POLQ: variants seen among roughly 807,000 people sequenced by gnomAD.
POLQ encodes the protein epididymis secretory sperm binding protein.
Under a neutral mutation model 259.2 loss-of-function variants are expected in POLQ, and 233 were observed. The observed-to-expected ratio is 0.90, with a 90% confidence interval of 0.81 to 1.00. The LOEUF is 1.00. POLQ is among the 50% of genes least tolerant of loss of function. POLQ has a pLI of 0.00. For missense variants in POLQ, 2,871 were observed against 3,051.6 expected, an observed-to-expected ratio of 0.94 and a Z score of 1.39; for synonymous variants, 1,025 against 1,048.8, an observed-to-expected ratio of 0.98 and a Z score of 0.44.
At chr3:121,456,090 A>C (rs1240331737) in intron 25 of POLQ, among the ~76,000 whole-genome samples, 1 of 152,210 alleles carries the variant, frequency 6.6e-6, no homozygotes, top group East Asian at 1.9e-4. Context: ...ACACAAATCA[A>C]TAAATGTAAT....
At chr3:121,468,091 A>T (rs187316216) in intron 23 of POLQ, among the ~76,000 whole-genome samples, 1 of 152,336 alleles carries the variant, frequency 6.6e-6, no homozygotes, top group Non-Finnish European at 1.5e-5. Flanking sequence ...TTAAAGCTTA[A>T]CAAAGATACT....
In POLQ at chr3:121,465,283, G is replaced by A. The variant is rs2047826220; in HGVS notation, c.6967+2236C>T. ...ATTTTTTGACTTTCTGTAAAGATGG[G>A]GTCTCCCTTTGTTGCCCAGGCTGGT... On this transcript the variant is annotated intron_variant, in intron 24 of 29. Coordinates refer to ENST00000264233, the MANE Select transcript of POLQ (RefSeq NM_199420.4). 2.6e-5 allele frequency among the ~76,000 whole-genome samples: 4 copies of A among 151,588 alleles called. No homozygotes were observed. The South Asian group carries it at 8.3e-4, about 32-fold the overall frequency.
chr3:121,533,514 TG>T (rs35426656), intron 5 of POLQ, among the ~76,000 whole-genome samples: 2 of 152,104 alleles, frequency 1.3e-5, no homozygotes, highest in Non-Finnish European at 2.9e-5. Context: ...AGACAGTACG[TG>T]GTAGTATTTC....
intron 28 of POLQ, among the ~76,000 whole-genome samples, chr3:121,434,510 T>C (rs373433395): frequency 1.3e-5 from 2 of 152,252 alleles, no homozygotes; most frequent in East Asian, 1.9e-4. Context: ...CAAATGAGTT[T>C]AATTATATAT....
chr3:121,499,033 A>G (rs1341216888), intron 12 of POLQ, among the ~76,000 whole-genome samples: 1 of 152,186 alleles, frequency 6.6e-6, no homozygotes, highest in East Asian at 1.9e-4. Flanking sequence ...GTAAGCTATG[A>G]CTGTGCCACA....
At chr3:121,453,320 A>G (rs971258747) in intron 25 of POLQ, among the ~76,000 whole-genome samples, 1 of 152,208 alleles carries the variant, frequency 6.6e-6, no homozygotes, top group African/African-American at 2.4e-5. Flanking sequence ...GGAAACTCTA[A>G]AAAGCAGAGC....
At chr3:121,512,734 T>G (rs2048264314) in intron 9 of POLQ, among the ~76,000 whole-genome samples, 1 of 152,196 alleles carries the variant, frequency 6.6e-6, no homozygotes, top group Admixed American at 6.5e-5. Context: ...CCTAAGAAAG[T>G]AGAGGAAAAG....
intron 14 of POLQ, chr3:121,494,930 G>A (rs1296591723): frequency 1.8e-5 from 15 of 822,360 alleles, no homozygotes; most frequent in Non-Finnish European, 2.6e-5. Context: ...TGAGTTTTCT[G>A]TATATAAAAA....
chr3:121,507,140 G>A (rs1237128754), intron 12 of POLQ, among the ~76,000 whole-genome samples: 2 of 152,168 alleles, frequency 1.3e-5, no homozygotes, highest in Non-Finnish European at 2.9e-5. Flanking sequence ...AGGCATGGAA[G>A]GGATGGATAT....
chr3:121,509,728 A>G (rs760949607), intron 11 of POLQ, 25 bp from the exon 12 acceptor site: 21 of 1,590,904 alleles, frequency 1.3e-5, no homozygotes, highest in Admixed American at 1.8e-5. Context: ...GGGTGAGGAA[A>G]CAGAGGAACA....
chr3:121,544,159 C>A (rs1270003120), intron 2 of POLQ, among the ~76,000 whole-genome samples: 1 of 152,022 alleles, frequency 6.6e-6, no homozygotes, highest in Non-Finnish European at 1.5e-5. Context: ...CAAGACCAGT[C>A]TGGCCAACAC....
At chr3:121,493,869 A>T in intron 14 of POLQ, 148 bp from the exon 15 acceptor site, 1 of 677,778 alleles carries the variant, frequency 1.5e-6, no homozygotes, top group Non-Finnish European at 2.5e-6. Flanking sequence ...ACAAGGGAGC[A>T]GATATATATT....
Position 121,489,139 on chromosome 3 carries a change from T to C in POLQ, c.3792A>G (p.Ile1264Met), listed in dbSNP as rs1261375264. 3 of 1,613,868 alleles carry C rather than the reference T, an allele frequency of 1.9e-6. No homozygotes were observed. Among genetic ancestry groups the C allele is most frequent in the African/African-American group, 1.3e-5 (1 of 75,048 alleles). ...ALGDDISRTV[I>M]PSEVLPSAGA... ...CAGCTGATGGAAGTACTTCACTGGG[T>C]ATCACAGTTCTGCTTATATCATCTC... The change falls in exon 16 of 30, where the codon ATA becomes ATG. Residue 1264 changes from isoleucine to methionine, a missense_variant. Physicochemically the swap from Ile to Met is conservative, Grantham distance 10. This residue lies in a region of POLQ where 2,080 missense variants were observed against 2,126.0 expected (regional missense o/e 0.98). Transcript: ENST00000264233.
At chr3:121,473,991 T>C (rs1338895186) in intron 20 of POLQ, among the ~76,000 whole-genome samples, 1 of 152,120 alleles carries the variant, frequency 6.6e-6, no homozygotes, top group Non-Finnish European at 1.5e-5. Flanking sequence ...CCTCCCAAAG[T>C]GGTGGGATTA....
chr3:121,467,649 C>A lies in POLQ; in HGVS notation c.6846-9G>T, dbSNP rs751060642. ...CCTTCTTATATTTTCCTCTGTGGTG[C>A]AAACAACATCATCAGTTAGACATGA... On this transcript the variant is annotated splice_polypyrimidine_tract_variant and intron_variant, in intron 23 of 29. Coordinates refer to ENST00000264233, the MANE Select transcript of POLQ (RefSeq NM_199420.4). 25 of 1,612,324 alleles carry A rather than the reference C, an allele frequency of 1.6e-5. No individual in the cohort carries two copies. The highest frequency in any genetic ancestry group is 2.7e-5 in the African/African-American group (2 of 74,844).
chr3:121,532,898 A>C, intron 6 of POLQ, 92 bp downstream of exon 6: 1 of 832,338 alleles, frequency 1.2e-6, no homozygotes, highest in Non-Finnish European at 1.9e-6. Flanking sequence ...TGTAACTCCC[A>C]ATTACATCAT....
chr3:121,509,442 A>G (rs2048234670), intron 12 of POLQ, 119 bp downstream of exon 12: 1 of 768,890 alleles, frequency 1.3e-6, no homozygotes, highest in Non-Finnish European at 2.1e-6. Flanking sequence ...TCCCACCAGT[A>G]CTAACCTAGG....
At chr3:121,455,755 C>A (rs1369866961) in intron 25 of POLQ, among the ~76,000 whole-genome samples, 4 of 152,162 alleles carry the variant, frequency 2.6e-5, no homozygotes, top group Middle Eastern at 3.4e-3. Flanking sequence ...GCTTACCAAC[C>A]AAAAAGAGTC....
At position 121,544,797 on chromosome 3, in the gene POLQ, C is replaced by CT. The variant is rs2048517678; in HGVS notation, c.272dup (p.Met92AspfsTer3). 1.2e-6 allele frequency: 2 copies of CT among 1,613,508 alleles called. No homozygotes were observed. Among genetic ancestry groups the CT allele is most frequent in the Non-Finnish European group, 1.7e-6 (2 of 1,179,468 alleles). On this transcript the variant is annotated frameshift_variant, in exon 2 of 30. Coordinates refer to ENST00000264233, the MANE Select transcript of POLQ (RefSeq NM_199420.4). LOFTEE classifies it high-confidence loss of function. ...GGCACTCTGCCTGCCATTCAAACAT[C>CT]TTTTTTACACCAAAACTGTGGTATT...
Sources: gnomAD v4.1 joint callset for allele counts (sites outside exome capture counted in the v4.1 genomes callset) on GRCh38, gnomAD v4.1.1 for gene constraint, gnomAD v4.1.1 regional missense constraint, MANE v1.5 for transcripts, NCBI Gene and HGNC (gene_info 2026-07-23, HGNC 2026-07-21) for gene names.